DCAF6: variants seen among roughly 807,000 people sequenced by gnomAD.
DCAF6 encodes the protein DDB1 and CUL4 associated factor 6.
In DCAF6, 54 loss-of-function variants were observed where a neutral mutation model predicts 125.1. That is an observed-to-expected ratio of 0.43 (90% CI 0.35 to 0.54). The LOEUF is 0.54. Among genes scored for constraint, DCAF6 ranks in the 20% least tolerant of loss-of-function variants. DCAF6 has a pLI of 0.01. For missense variants in DCAF6, 934 were observed against 1,161.7 expected (o/e 0.80, Z 2.85); for synonymous variants, 371 against 390.4 (o/e 0.95, Z 0.58).
chr1:168,074,757 G>A (rs1270337501), intron 21 of DCAF6, among the ~76,000 whole-genome samples: 4 of 152,108 alleles, frequency 2.6e-5, no homozygotes, highest in African/African-American at 4.8e-5. Context: ...AACCTTTATA[G>A]CTAAAGAATT....
the DCAF6 span, among the ~76,000 whole-genome samples, chr1:167,873,148 A>G: frequency 1.3e-5 from 2 of 152,156 alleles, no homozygotes; most frequent in African/African-American, 4.8e-5. Context: ...TGTAGAAAGA[A>G]GGTTAGGATT....
At chr1:168,007,231 T>G (rs1055981013) in intron 10 of DCAF6, among the ~76,000 whole-genome samples, 2 of 152,226 alleles carry the variant, frequency 1.3e-5, no homozygotes, top group Non-Finnish European at 2.9e-5. Flanking sequence ...TTGCTATCCC[T>G]TTCCAGCTTC....
chr1:168,002,077 A>G (rs1403422852), intron 7 of DCAF6, among the ~76,000 whole-genome samples: 1 of 152,148 alleles, frequency 6.6e-6, no homozygotes, highest in African/African-American at 2.4e-5. Flanking sequence ...AAAAATAATG[A>G]TGGTTCCCAT....
At chr1:168,006,969 G>A (rs1034514396) in intron 10 of DCAF6, among the ~76,000 whole-genome samples, 2 of 152,138 alleles carry the variant, frequency 1.3e-5, no homozygotes, top group Admixed American at 1.3e-4. Flanking sequence ...AAATTTCAAT[G>A]GGTGCTCAAC....
the DCAF6 span, chr1:167,880,675 G>A: frequency 1.6e-6 from 2 of 1,248,934 alleles, no homozygotes; most frequent in Non-Finnish European, 2.4e-6. Context: ...CTGGCCAGAA[G>A]GCTCAACAGA....
rs1472837953 is a variant in DCAF6, at chr1:167,951,839, C to T, written c.137C>T (p.Thr46Ile). The T allele has an allele frequency of 2.5e-6, 4 of 1,607,038 alleles. No individual in the cohort carries two copies. Among genetic ancestry groups the T allele is most frequent in the Admixed American group, 1.7e-5 (1 of 59,922 alleles). ...EFIQRLKLEA[T>I]LNVHDGCVNT... is the part of the protein sequence containing the mutation. ...ATCCAAAGATTAAAACTTGAAGCAA[C>T]CCTTAATGTGCATGATGGTTGTGTA... The change falls in exon 2 of 22, where the codon ACC becomes ATC. Residue 46 changes from threonine (T) to isoleucine (I), a missense_variant. Physicochemically the swap from Thr to Ile is moderately conservative, Grantham distance 89. This residue lies in a region of DCAF6 where 309 missense variants were observed against 381.2 expected (regional missense o/e 0.81). Coordinates refer to ENST00000367840, the MANE Select transcript of DCAF6 (RefSeq NM_001198956.2).
intron 4 of DCAF6, among the ~76,000 whole-genome samples, chr1:167,981,833 G>A (rs1296516937): frequency 6.6e-6 from 1 of 152,186 alleles, no homozygotes; most frequent in Non-Finnish European, 1.5e-5. Flanking sequence ...GTGCTGCGAT[G>A]AACATGTGAG....
intron 17 of DCAF6, among the ~76,000 whole-genome samples, chr1:168,053,524 A>G (rs1274113450): frequency 6.6e-6 from 1 of 152,220 alleles, no homozygotes; most frequent in African/African-American, 2.4e-5. Context: ...AATCATGGCT[A>G]TGATTTATTA....
At chr1:168,004,087 C>A in intron 9 of DCAF6, 98 bp downstream of exon 9, 1 of 1,369,100 alleles carries the variant, frequency 7.3e-7, no homozygotes. Context: ...CCATGTTTTA[C>A]ATCTGTAATA....
chr1:167,933,211 AG>A (rs1380678248), upstream of DCAF6, among the ~76,000 whole-genome samples: 1 of 147,566 alleles, frequency 6.8e-6, no homozygotes, highest in African/African-American at 2.5e-5. Flanking sequence ...CTCTGTTGCC[AG>A]GCTGGAGTGC....
chr1:167,888,747 G>T, the DCAF6 span, among the ~76,000 whole-genome samples: 1 of 151,820 alleles, frequency 6.6e-6, no homozygotes, highest in South Asian at 2.1e-4. Context: ...GTGGTGGCGG[G>T]CGCCTGTGGT....
At chr1:168,009,461 T>C (rs61807034) in intron 10 of DCAF6, among the ~76,000 whole-genome samples, 26 of 140,690 alleles carry the variant, frequency 1.8e-4, no homozygotes, top group Admixed American at 7.9e-4. Context: ...TGTCTCTCTC[T>C]CTTCCTTCCT....
At chr1:167,960,791 T>TTGTTC (rs1675469711) in intron 2 of DCAF6, among the ~76,000 whole-genome samples, 1 of 152,186 alleles carries the variant, frequency 6.6e-6, no homozygotes. Context: ...AAGAACAACT[T>TTGTTC]TGTTCTTCTC....
chr1:167,970,105 C>G (rs899900987), intron 3 of DCAF6, among the ~76,000 whole-genome samples: 1 of 152,146 alleles, frequency 6.6e-6, no homozygotes, highest in Non-Finnish European at 1.5e-5. Flanking sequence ...AGAAGATTTC[C>G]TGAAATAATG....
At chr1:168,008,825 TCTGCCCTGCC>T (rs1298341362) in intron 10 of DCAF6, among the ~76,000 whole-genome samples, 2 of 148,812 alleles carry the variant, frequency 1.3e-5, no homozygotes, top group African/African-American at 2.5e-5. Flanking sequence ...CGTGCCAAAT[TCTGCCCTGCC>T]CTGCCCTGCC....
rs762035265 is a variant in DCAF6 at position 167,936,987 on chromosome 1, C to T, written c.76C>T (p.Arg26Trp). Residue 26 changes from arginine to tryptophan, a missense_variant, in exon 1 of 22, where the codon CGG becomes TGG. Physicochemically the swap from Arg to Trp is moderately radical, Grantham distance 101. This residue lies in a region of DCAF6 where 309 missense variants were observed against 381.2 expected (regional missense o/e 0.81). Transcript: ENST00000367840. ...KRSLGLEDPS[R>W]LRSRYLGRRE... ...GTCCCTCGGGCTGGAGGACCCGTCC[C>T]GGCTGCGGAGTCGCTACCTGGGTGA... The T allele has an allele frequency of 3.7e-6, 6 of 1,610,350 alleles. No individual in the cohort carries two copies. The highest frequency in any genetic ancestry group is 5.1e-6 in the Non-Finnish European group (6 of 1,178,960).
At chr1:167,987,443 C>A in intron 4 of DCAF6, 52 bp from the exon 5 acceptor site, 1 of 858,678 alleles carries the variant, frequency 1.2e-6, no homozygotes. Context: ...TTTTTCAGAG[C>A]CGTCTGTTTA....
At chr1:167,919,723 A>G in the DCAF6 span, among the ~76,000 whole-genome samples, 1 of 152,218 alleles carries the variant, frequency 6.6e-6, no homozygotes, top group Non-Finnish European at 1.5e-5. Flanking sequence ...AAAACTAGGT[A>G]ACATACTGCT....
chr1:167,884,301 G>A, the DCAF6 span, among the ~76,000 whole-genome samples: 1 of 152,158 alleles, frequency 6.6e-6, no homozygotes, highest in Admixed American at 6.5e-5. Flanking sequence ...CGAAGGAGAA[G>A]CAGGCACTTC....
Sources: allele counts gnomAD v4.1 joint callset (sites outside exome capture counted in the v4.1 genomes callset), GRCh38; gene constraint gnomAD v4.1.1; regional missense constraint gnomAD v4.1.1; transcripts MANE v1.5; gene names NCBI Gene and HGNC (gene_info 2026-07-23, HGNC 2026-07-21).